The following UGT1A8 variants were observed in gnomAD, a reference collection of about 807,000 sequenced individuals.
The protein encoded by UGT1A8 is UDP glucuronosyltransferase family 1 member A8.
Under a neutral mutation model 45.3 loss-of-function variants are expected in UGT1A8, and 39 were observed. That is an observed-to-expected ratio of 0.86 (90% CI 0.67 to 1.12). The LOEUF (loss-of-function observed/expected upper bound fraction) is 1.12, where lower values mean the gene tolerates loss of function less well. Among genes scored for constraint, UGT1A8 ranks in the 50% most tolerant of loss-of-function variants. UGT1A8 has a pLI of 0.00. For synonymous variants in UGT1A8, 275 were observed against 249.2 expected (o/e 1.10, Z -0.97); for missense variants, 719 against 664.9 (o/e 1.08, Z -0.90).
chr2:233,713,569 A>G, intron 1 of UGT1A8: 3 of 1,613,912 alleles, frequency 1.9e-6, no homozygotes, highest in Non-Finnish European at 2.5e-6. Context: ...CCTTCCTCCT[A>G]TATTCCTAGA....
chr2:233,659,943 T>G lies in UGT1A8; in HGVS notation c.855+41381T>G, dbSNP rs990306346. On this transcript the variant is annotated intron_variant, in intron 1 of 4. Coordinates refer to ENST00000373450, the MANE Select transcript of UGT1A8 (RefSeq NM_019076.5). ...ATTCAAAAGCACTCATCTCATCAAG[T>G]CATCTTCTGTTAATTCCTCAGGTGT... Among the ~76,000 whole-genome samples the G allele has an allele frequency of 2.0e-5, 3 of 152,368 alleles. No homozygotes were observed. In the South Asian group the frequency reaches 6.2e-4, roughly 32 times the overall value.
intron 1 of UGT1A8, among the ~76,000 whole-genome samples, chr2:233,698,139 C>A (rs1179532977): frequency 6.6e-6 from 1 of 152,188 alleles, no homozygotes; most frequent in South Asian, 2.1e-4. Context: ...TGTGTCTCAA[C>A]TGTATTCCCA....
At chr2:233,618,782 C>T (rs2072948312) in intron 1 of UGT1A8, among the ~76,000 whole-genome samples, 1 of 152,074 alleles carries the variant, frequency 6.6e-6, no homozygotes, top group African/African-American at 2.4e-5. Context: ...AATTGTAGAT[C>T]GTATTCAGCT....
intron 1 of UGT1A8, among the ~76,000 whole-genome samples, chr2:233,758,930 C>T (rs1427100702): frequency 6.6e-6 from 1 of 152,236 alleles, no homozygotes; most frequent in Non-Finnish European, 1.5e-5. Context: ...TCCCTTTTGA[C>T]TTCAAATCAG....
intron 1 of UGT1A8, 124 bp downstream of exon 1, chr2:233,618,686 AG>A: frequency 6.7e-7 from 1 of 1,501,660 alleles, no homozygotes; most frequent in Non-Finnish European, 8.8e-7. Flanking sequence ...CCAGTTTAAC[AG>A]ATTATTTTGT....
At chr2:233,761,119 A>T in intron 1 of UGT1A8, 1 of 1,614,188 alleles carries the variant, frequency 6.2e-7, no homozygotes, top group African/African-American at 1.3e-5. Context: ...TGTTGGTGGA[A>T]TCAACTGCCT....
At chr2:233,759,131 C>G (rs889675688) in intron 1 of UGT1A8, among the ~76,000 whole-genome samples, 5 of 152,174 alleles carry the variant, frequency 3.3e-5, no homozygotes, top group African/African-American at 9.6e-5. Context: ...GCCTCTGGTA[C>G]GCAATGAAGG....
At chr2:233,672,710 T>G in intron 1 of UGT1A8, 2 of 1,613,972 alleles carry the variant, frequency 1.2e-6, no homozygotes, top group Non-Finnish European at 1.7e-6. Context: ...GACTTTGTTT[T>G]GGACTATCCC....
At chr2:233,729,385 G>C (rs1328190991) in intron 1 of UGT1A8, 1 of 1,613,836 alleles carries the variant, frequency 6.2e-7, no homozygotes, top group Admixed American at 1.7e-5. Flanking sequence ...GTGGACCCAG[G>C]ATGAATTTGA....
intron 1 of UGT1A8, among the ~76,000 whole-genome samples, chr2:233,759,599 A>ACCCCCCCCCCCCCCCCCCCC (rs1553620419): frequency 9.2e-6 from 1 of 108,662 alleles, no homozygotes; most frequent in African/African-American, 3.3e-5. Context: ...CCCACCCCCG[A>ACCCCCCCCCCCCCCCCCCCC]CCCGCCCCAC....
intron 1 of UGT1A8, among the ~76,000 whole-genome samples, chr2:233,669,111 G>A (rs1237935378): frequency 6.6e-6 from 1 of 152,192 alleles, no homozygotes; most frequent in African/African-American, 2.4e-5. Flanking sequence ...TTTCCCCACA[G>A]AATTGCCTGT....
At chr2:233,768,469 G>T (rs1403858659) in intron 4 of UGT1A8, 30 bp downstream of exon 4, 1 of 1,603,172 alleles carries the variant, frequency 6.2e-7, no homozygotes, top group East Asian at 2.2e-5. Flanking sequence ...AGAATACTTT[G>T]GTCATGGCAT....
intron 1 of UGT1A8, among the ~76,000 whole-genome samples, chr2:233,765,845 C>T (rs1255338105): frequency 6.6e-6 from 1 of 152,028 alleles, no homozygotes; most frequent in East Asian, 1.9e-4. Context: ...TCCTTGTCCC[C>T]CTCACAGAGC....
chr2:233,767,313 T>G, intron 2 of UGT1A8, 148 bp downstream of exon 2: 1 of 1,512,132 alleles, frequency 6.6e-7, no homozygotes, highest in Non-Finnish European at 8.8e-7. Flanking sequence ...AGGTTTTTTT[T>G]GTTGTTGTGG....
chr2:233,652,250 C>G (rs1166331218), intron 1 of UGT1A8, among the ~76,000 whole-genome samples: 1 of 152,124 alleles, frequency 6.6e-6, no homozygotes, highest in African/African-American at 2.4e-5. Context: ...GGCCTCTCAC[C>G]AGGATTATTT....
chr2:233,681,099 C>A (rs940932647), intron 1 of UGT1A8, among the ~76,000 whole-genome samples: 1 of 151,718 alleles, frequency 6.6e-6, no homozygotes, highest in Admixed American at 6.6e-5. Flanking sequence ...CTCTGCAATG[C>A]GCAAGTGAGC....
At chr2:233,676,737 A>T (rs910066256) in intron 1 of UGT1A8, among the ~76,000 whole-genome samples, 1 of 152,178 alleles carries the variant, frequency 6.6e-6, no homozygotes, top group South Asian at 2.1e-4. Context: ...TGATGTTTTC[A>T]TCGTGGTAAA....
intron 1 of UGT1A8, among the ~76,000 whole-genome samples, chr2:233,762,202 T>C (rs1698001296): frequency 2.0e-5 from 3 of 152,160 alleles, no homozygotes; most frequent in Admixed American, 1.3e-4. Flanking sequence ...GGTCTGCATG[T>C]ATTTGGCGCC....
chr2:233,728,342 G>A (rs1241528398), intron 1 of UGT1A8, among the ~76,000 whole-genome samples: 1 of 152,172 alleles, frequency 6.6e-6, no homozygotes, highest in Non-Finnish European at 1.5e-5. Flanking sequence ...CCAGTCCCTT[G>A]GTGAGCAGGA....
Sources: gnomAD v4.1 joint callset for allele counts (sites outside exome capture counted in the v4.1 genomes callset) on GRCh38, gnomAD v4.1.1 for gene constraint, MANE v1.5 for transcripts, NCBI Gene and HGNC (gene_info 2026-07-23, HGNC 2026-07-21) for gene names.